Variants in PHLPP1 observed in about 807,000 individuals in gnomAD.
PHLPP1 encodes the protein PH domain and leucine rich repeat protein phosphatase 1.
PHLPP1 carries 42 observed loss-of-function variants against 117.2 expected under a neutral mutation model. That is an observed-to-expected ratio of 0.36 (90% CI 0.28 to 0.46). The LOEUF (loss-of-function observed/expected upper bound fraction) is 0.46, where lower values mean the gene tolerates loss of function less well. PHLPP1 is among the 20% of genes least tolerant of loss of function. The probability of loss-of-function intolerance (pLI) is 1.00; values close to 1 mark genes in which losing one functional copy is unlikely to be tolerated. For synonymous variants in PHLPP1, 1,042 were observed against 970.7 expected, an observed-to-expected ratio of 1.07 and a Z score of -1.37; for missense variants, 2,084 against 2,241.9, an observed-to-expected ratio of 0.93 and a Z score of 1.42.
chr18:62,728,668 C>T (rs1911145367), intron 1 of PHLPP1, among the ~76,000 whole-genome samples: 1 of 152,062 alleles, frequency 6.6e-6, no homozygotes, highest in African/African-American at 2.4e-5. Context: ...ACCACTACAC[C>T]TGGGTACTTT....
At chr18:62,955,371 G>A (rs1568173466) in intron 12 of PHLPP1, among the ~76,000 whole-genome samples, 1 of 152,170 alleles carries the variant, frequency 6.6e-6, no homozygotes, top group African/African-American at 2.4e-5. Context: ...AGTGTGAGCA[G>A]GTGGAGTAAA....
intron 1 of PHLPP1, among the ~76,000 whole-genome samples, chr18:62,794,235 G>GT (rs1013187034): frequency 5.3e-5 from 8 of 151,360 alleles, no homozygotes; most frequent in Non-Finnish European, 8.8e-5. Context: ...TTGTTTTGTT[G>GT]TTTTTTTTCT....
At chr18:62,784,830 T>C (rs1913231484) in intron 1 of PHLPP1, among the ~76,000 whole-genome samples, 1 of 152,184 alleles carries the variant, frequency 6.6e-6, no homozygotes, top group African/African-American at 2.4e-5. Flanking sequence ...TTGACGTAGT[T>C]GCCGTAATTG....
chr18:62,938,895 A>G (rs1194184888), intron 10 of PHLPP1, among the ~76,000 whole-genome samples: 1 of 152,064 alleles, frequency 6.6e-6, no homozygotes, highest in Non-Finnish European at 1.5e-5. Context: ...AAATATGCAA[A>G]CATGAATTCA....
intron 1 of PHLPP1, among the ~76,000 whole-genome samples, chr18:62,756,566 A>G (rs536855411): frequency 2.0e-5 from 3 of 152,210 alleles, no homozygotes; most frequent in Non-Finnish European, 4.4e-5. Flanking sequence ...GAGCTCTGCT[A>G]TCCTTGACTT....
At chr18:62,930,886 A>G (rs1909786147) in intron 10 of PHLPP1, among the ~76,000 whole-genome samples, 1 of 151,976 alleles carries the variant, frequency 6.6e-6, no homozygotes, top group African/African-American at 2.4e-5. Context: ...ACCAAGAGAA[A>G]CTCTCAAAAC....
intron 12 of PHLPP1, among the ~76,000 whole-genome samples, chr18:62,950,805 T>C (rs1456203707): frequency 6.6e-6 from 1 of 152,132 alleles, no homozygotes; most frequent in Non-Finnish European, 1.5e-5. Flanking sequence ...TGTCAATTCC[T>C]GTTTGGGACA....
chr18:62,956,636 CAG>C (rs925295003), intron 12 of PHLPP1, among the ~76,000 whole-genome samples: 18 of 151,654 alleles, frequency 1.2e-4, no homozygotes, highest in African/African-American at 4.4e-4. Flanking sequence ...GAAAAAAAAA[CAG>C]AATGCTAACC....
At chr18:62,850,482 A>C (rs1249736980) in intron 3 of PHLPP1, among the ~76,000 whole-genome samples, 3 of 152,148 alleles carry the variant, frequency 2.0e-5, no homozygotes, top group African/African-American at 7.2e-5. Flanking sequence ...CTAGAGTGTA[A>C]GTTTTTTTGT....
Position 62,860,532 on chromosome 18 carries a change from A to G in PHLPP1, c.1997A>G (p.Asn666Ser). ...LFYSQDLTHL[N>S]LKQNFLRQNP... Reference sequence around the variant, plus strand: ...TACAGCCAAGACCTCACTCATCTCAATTTAAAACAAAACTTCCTAAGGCAG... The same window carrying G: ...TACAGCCAAGACCTCACTCATCTCAGTTTAAAACAAAACTTCCTAAGGCAG... Residue 666 changes from asparagine (N) to serine (S), a missense_variant, in exon 4 of 17, where the codon AAT (asparagine) becomes AGT (serine). Asn to Ser is a conservative substitution (Grantham distance 46, BLOSUM62 1). Coordinates refer to ENST00000262719, the MANE Select transcript of PHLPP1 (RefSeq NM_194449.4). 2.5e-6 allele frequency: 4 copies of G among 1,613,886 alleles called. No homozygotes were observed. The highest frequency in any genetic ancestry group is 3.4e-6 in the Non-Finnish European group (4 of 1,179,862).
At chr18:62,807,037 C>T (rs1022215008) in intron 1 of PHLPP1, among the ~76,000 whole-genome samples, 1 of 151,696 alleles carries the variant, frequency 6.6e-6, no homozygotes, top group Non-Finnish European at 1.5e-5. Flanking sequence ...TCTTTCATAG[C>T]GAAATCTGGT....
chr18:62,783,179 A>G (rs993601539), intron 1 of PHLPP1, among the ~76,000 whole-genome samples: 40 of 147,494 alleles, frequency 2.7e-4, no homozygotes, highest in African/African-American at 9.6e-4. Context: ...TGAGTCACGT[A>G]TAGTTACTAG....
intron 3 of PHLPP1, among the ~76,000 whole-genome samples, chr18:62,849,830 A>ATATATATATATATATATATATAT (rs1465429883): frequency 2.4e-4 from 5 of 21,212 alleles, no homozygotes; most frequent in African/African-American, 5.5e-4. Flanking sequence ...AAAAAAAAAA[A>ATATATATATATATATATATATAT]AAATATATAT....
chr18:62,766,076 A>AAAAAAATATATATATATATAT lies in PHLPP1; in HGVS notation c.1576+48818_1576+48819insAAAAATATATATATATATATA. ...ACTCCATCTCAAAAAAAAAAAAAAA[A>AAAAAAATATATATATATATAT]ATATATATATATATATATATATATA... On this transcript the variant is annotated intron_variant, in intron 1 of 16. Coordinates refer to ENST00000262719, the MANE Select transcript of PHLPP1 (RefSeq NM_194449.4). Among the ~76,000 whole-genome samples, 24 of 21,646 alleles carry AAAAAAATATATATATATATAT rather than the reference A, an allele frequency of 1.1e-3. 1 individual carries two copies. The highest frequency in any genetic ancestry group is 2.2e-3 in the African/African-American group (15 of 6,708). The allele number at this position is 21,646 out of a possible 152,430, so 14.2% of individuals were successfully genotyped here.
intron 1 of PHLPP1, among the ~76,000 whole-genome samples, chr18:62,761,904 G>A (rs150994034): frequency 7.9e-4 from 120 of 152,116 alleles, no homozygotes; most frequent in African/African-American, 2.8e-3. Context: ...CTGCCGCACT[G>A]GTCCTCTGTA....
At chr18:62,903,537 G>A (rs1480275668) in intron 7 of PHLPP1, among the ~76,000 whole-genome samples, 2 of 152,136 alleles carry the variant, frequency 1.3e-5, no homozygotes. Flanking sequence ...ATGAAAGGAA[G>A]TTTTATTTTG....
chr18:62,978,193 C>A lies in PHLPP1; in HGVS notation c.3985-69C>A. 1.1e-6 allele frequency: 1 copy of A among 902,908 alleles called. No homozygotes were observed. The highest frequency in any genetic ancestry group is 1.7e-6 in the Non-Finnish European group (1 of 581,480). 55.9% of individuals were successfully genotyped at this position (902,908 alleles called of 1,614,324 possible). A position where few individuals can be genotyped will look rare whatever the true frequency, so the allele number is the denominator to read the frequency against. ...ACAGTCGAGACAGTCGAGGGACCCGCAGGGAACCTGCACAGTTGCCGCAGG... is the reference window on the plus strand; with the variant it reads ...ACAGTCGAGACAGTCGAGGGACCCGAAGGGAACCTGCACAGTTGCCGCAGG... On this transcript the variant is annotated intron_variant, in intron 16 of 16. Coordinates refer to ENST00000262719, the MANE Select transcript of PHLPP1 (RefSeq NM_194449.4). This position sits in a 1 kb window ranked among gnomAD's most constrained non-coding sequence, Gnocchi z 7.0.
intron 8 of PHLPP1, among the ~76,000 whole-genome samples, chr18:62,913,152 C>T (rs1917005361): frequency 6.6e-6 from 1 of 152,164 alleles, no homozygotes; most frequent in South Asian, 2.1e-4. Context: ...TGTCACCTAT[C>T]ACAGTGTTTA....
At chr18:62,824,955 C>T (rs1234031936) in intron 1 of PHLPP1, among the ~76,000 whole-genome samples, 2 of 144,058 alleles carry the variant, frequency 1.4e-5, no homozygotes, top group African/African-American at 5.1e-5. Context: ...GAGACAGACT[C>T]TTGCTCTGTC....
Sources: gnomAD v4.1 joint callset for allele counts (sites outside exome capture counted in the v4.1 genomes callset) on GRCh38, gnomAD v4.1.1 for gene constraint, Gnocchi (gnomAD v3.1) non-coding constraint, MANE v1.5 for transcripts, NCBI Gene and HGNC (gene_info 2026-07-23, HGNC 2026-07-21) for gene names.